GPM6A: variants seen among roughly 807,000 people sequenced by gnomAD.
GPM6A encodes glycoprotein M6A.
In GPM6A, 7 loss-of-function variants were observed where a neutral mutation model predicts 32.1. That is an observed-to-expected ratio of 0.22 (90% CI 0.12 to 0.41). The LOEUF is 0.41. Among genes scored for constraint, GPM6A ranks in the 10% least tolerant of loss-of-function variants. The pLI, the probability that GPM6A is intolerant of heterozygous loss-of-function variation, is 1.00. For synonymous variants in GPM6A, 130 were observed against 123.4 expected, an observed-to-expected ratio of 1.05 and a Z score of -0.35; for missense variants, 235 against 347.2, an observed-to-expected ratio of 0.68 and a Z score of 2.57.
intron 1 of GPM6A, among the ~76,000 whole-genome samples, chr4:175,910,626 G>T (rs1738284772): frequency 6.6e-6 from 1 of 152,118 alleles, no homozygotes; most frequent in South Asian, 2.1e-4. Context: ...TCTGTCTTTA[G>T]CACCCTTCTA....
chr4:175,935,521 A>G (rs976028402), intron 1 of GPM6A, among the ~76,000 whole-genome samples: 2 of 152,190 alleles, frequency 1.3e-5, no homozygotes, highest in East Asian at 3.8e-4. Context: ...TAAAACCACT[A>G]CTGGAACAAA....
chr4:175,709,903 T>C (rs144310826), intron 1 of GPM6A, among the ~76,000 whole-genome samples: 11 of 152,040 alleles, frequency 7.2e-5, no homozygotes, highest in Middle Eastern at 3.4e-3. Context: ...GATATCAGAA[T>C]AAAAAACACC....
chr4:175,667,827 C>A (rs946757093), intron 3 of GPM6A, among the ~76,000 whole-genome samples: 4 of 151,466 alleles, frequency 2.6e-5, no homozygotes, highest in African/African-American at 9.7e-5. Context: ...TAAGTTTTGG[C>A]CAAAGAGTAT....
intron 1 of GPM6A, among the ~76,000 whole-genome samples, chr4:175,834,197 T>C (rs931728727): frequency 2.6e-5 from 4 of 152,112 alleles, no homozygotes; most frequent in Admixed American, 6.6e-5. Flanking sequence ...CTGGCTTTCA[T>C]AAAACCATGC....
chr4:175,744,322 G>C (rs1200002568), intron 1 of GPM6A, among the ~76,000 whole-genome samples: 2 of 151,964 alleles, frequency 1.3e-5, no homozygotes, highest in Non-Finnish European at 2.9e-5. Context: ...ATAATAAAAA[G>C]AGGGTATAGC....
chr4:175,827,413 C>T (rs1403378339), intron 1 of GPM6A, among the ~76,000 whole-genome samples: 2 of 152,038 alleles, frequency 1.3e-5, no homozygotes, highest in African/African-American at 2.4e-5. Flanking sequence ...TATTATTATC[C>T]CCACTTCGCA....
At chr4:175,938,676 T>G (rs1000645017) in intron 1 of GPM6A, among the ~76,000 whole-genome samples, 2 of 151,850 alleles carry the variant, frequency 1.3e-5, no homozygotes, top group East Asian at 3.8e-4. Flanking sequence ...GATTGTAGAT[T>G]CTGGGTATTA....
chr4:175,953,435 T>C (rs1037593121), intron 1 of GPM6A, among the ~76,000 whole-genome samples: 2 of 152,216 alleles, frequency 1.3e-5, no homozygotes, highest in African/African-American at 2.4e-5. Flanking sequence ...GAATGCACTT[T>C]CTAACCACAA....
At chr4:175,635,866 A>T (rs1190827995) in intron 6 of GPM6A, among the ~76,000 whole-genome samples, 1 of 152,098 alleles carries the variant, frequency 6.6e-6, no homozygotes, top group African/African-American at 2.4e-5. Context: ...ACAGTTATTT[A>T]CATTCTCTGA....
chr4:175,950,286 A>G (rs1261196001), intron 1 of GPM6A, among the ~76,000 whole-genome samples: 1 of 152,190 alleles, frequency 6.6e-6, no homozygotes, highest in African/African-American at 2.4e-5. Flanking sequence ...ATGAGACATA[A>G]TAGATGTTTA....
At chr4:175,978,932 GC>G (rs1740741921) in intron 1 of GPM6A, among the ~76,000 whole-genome samples, 1 of 150,586 alleles carries the variant, frequency 6.6e-6, no homozygotes, top group Non-Finnish European at 1.5e-5. Context: ...TTTTATCAAA[GC>G]CCATGTAAAG....
At chr4:175,752,861 T>G (rs1405998468) in intron 1 of GPM6A, among the ~76,000 whole-genome samples, 1 of 152,198 alleles carries the variant, frequency 6.6e-6, no homozygotes, top group Non-Finnish European at 1.5e-5. Flanking sequence ...TGAAGCTGTG[T>G]TAAGGCTCCA....
chr4:175,944,478 A>G (rs1288965123), intron 1 of GPM6A, among the ~76,000 whole-genome samples: 2 of 151,678 alleles, frequency 1.3e-5, no homozygotes, highest in African/African-American at 4.9e-5. Flanking sequence ...ACTGATTTTT[A>G]TTCCAATTCT....
At position 175,637,967 on chromosome 4, in the gene GPM6A, T is replaced by G. The variant is rs1328784318; in HGVS notation, c.684+2162A>C. Among the ~76,000 whole-genome samples the G allele has an allele frequency of 4.2e-5, 6 of 142,256 alleles. No individual in the cohort carries two copies. The Admixed American group carries it at 4.7e-4, about 11-fold the overall frequency. The allele number at this position is 142,256 out of a possible 152,430, so 93.3% of individuals were successfully genotyped here. A position where few individuals can be genotyped will look rare whatever the true frequency, so the allele number is the denominator to read the frequency against. ...CAATTCAGAAACAGGTGCTTCCTCA[T>G]GGTTCTTACAAGCATTTCCTCTGGC... On this transcript the variant is annotated intron_variant, in intron 6 of 6. Transcript: ENST00000393658.
At chr4:175,689,256 A>AT (rs1441565771) in intron 2 of GPM6A, among the ~76,000 whole-genome samples, 2 of 152,166 alleles carry the variant, frequency 1.3e-5, no homozygotes, top group Non-Finnish European at 2.9e-5. Context: ...TACCATTGTG[A>AT]TTTTGATAAA....
intron 1 of GPM6A, among the ~76,000 whole-genome samples, chr4:175,733,346 A>G (rs1273792354): frequency 2.0e-5 from 3 of 152,104 alleles, no homozygotes; most frequent in Admixed American, 6.5e-5. Context: ...TACTAAAAAT[A>G]CAAAAAGATT....
At chr4:175,851,279 A>G (rs544848015) in intron 1 of GPM6A, among the ~76,000 whole-genome samples, 1 of 151,622 alleles carries the variant, frequency 6.6e-6, no homozygotes, top group Admixed American at 6.6e-5. Context: ...AAGGTCAGGA[A>G]TTCGAGACCA....
chr4:175,946,235 A>G (rs1739601589), intron 1 of GPM6A, among the ~76,000 whole-genome samples: 1 of 152,254 alleles, frequency 6.6e-6, no homozygotes, highest in Admixed American at 6.5e-5. Flanking sequence ...GTATCAACTA[A>G]GACAAGGCAC....
At chr4:175,925,938 G>A (rs1579633141) in intron 1 of GPM6A, among the ~76,000 whole-genome samples, 1 of 148,178 alleles carries the variant, frequency 6.7e-6, no homozygotes, top group Admixed American at 6.9e-5. Context: ...TGTAACCTCT[G>A]CCTTCCAGGT....
Sources: gnomAD v4.1 joint callset for allele counts (sites outside exome capture counted in the v4.1 genomes callset) on GRCh38, gnomAD v4.1.1 for gene constraint, MANE v1.5 for transcripts, NCBI Gene and HGNC (gene_info 2026-07-23, HGNC 2026-07-21) for gene names.